The following DDX39B variants were observed in gnomAD, a reference collection of about 807,000 sequenced individuals.
DDX39B encodes spliceosome RNA helicase DDX39B.
A neutral mutation model predicts 46.4 loss-of-function variants in DDX39B; 6 were observed. The observed-to-expected ratio is 0.13, with a 90% CI of 0.07 to 0.26. The LOEUF (loss-of-function observed/expected upper bound fraction) is 0.26, where lower values mean the gene tolerates loss of function less well. Ranked by LOEUF, DDX39B falls within the 10% of genes least tolerant of loss-of-function variation. The pLI, the probability that DDX39B is intolerant of heterozygous loss-of-function variation, is 1.00. For missense variants in DDX39B, 185 were observed against 553.4 expected (o/e 0.33, Z 6.68); for synonymous variants, 174 against 199.4 (o/e 0.87, Z 1.07).
chr6:31,531,419 G>T lies in DDX39B; in HGVS notation c.868-14C>A. 1 of 1,613,742 alleles carries T rather than the reference G, an allele frequency of 6.2e-7. No individual in the cohort carries two copies. On this transcript the variant is annotated splice_polypyrimidine_tract_variant and intron_variant, in intron 7 of 10. Transcript: ENST00000396172. The surrounding 1 kb of genome is among the most constrained non-coding windows in gnomAD (Gnocchi z 5.8). Reference sequence around the variant, plus strand: ...AAAGATCACCACCTGTTGTGGGGTGGGGTGGGGGGTCGCAAATTGGGGGAA... The same window carrying T: ...AAAGATCACCACCTGTTGTGGGGTGTGGTGGGGGGTCGCAAATTGGGGGAA...
In DDX39B at chr6:31,539,377, T is replaced by C; in HGVS notation, c.212-103A>G. ...ATTTCTTACCACTCAATTCTCAAAG[T>C]CTAGTATTTACCTGGTTCTTGCCAA... On this transcript the variant is annotated intron_variant, in intron 2 of 10. Coordinates refer to ENST00000396172, the MANE Select transcript of DDX39B (RefSeq NM_004640.7). 5 of 1,514,922 alleles carry C rather than the reference T, an allele frequency of 3.3e-6. No individual in the cohort carries two copies. In the South Asian group the frequency reaches 5.0e-5, roughly 15 times the overall value. The allele number at this position is 1,514,922 out of a possible 1,614,324, so 93.8% of individuals were successfully genotyped here.
Position 31,530,325 on chromosome 6 carries a change from G to A in DDX39B, c.*109C>T. On this transcript the variant is annotated 3_prime_UTR_variant, in exon 11 of 11. Coordinates refer to ENST00000396172, the MANE Select transcript of DDX39B (RefSeq NM_004640.7). This position sits in a 1 kb window ranked among gnomAD's most constrained non-coding sequence, Gnocchi z 4.5. The stretch of plus-strand genomic sequence containing the variant: ...AGTGGTGGTGATGCAAAAGATGGAA[G>A]CCATGGGGTGGGGGCTGTCAGGGGT... The A allele has an allele frequency of 7.6e-7, 1 of 1,311,650 alleles. No homozygotes were observed. Among genetic ancestry groups the A allele is most frequent in the Non-Finnish European group, 1.1e-6 (1 of 945,822 alleles). 81.3% of individuals were successfully genotyped at this position (1,311,650 alleles called of 1,614,324 possible). A position where few individuals can be genotyped will look rare whatever the true frequency, so the allele number is the denominator to read the frequency against.
intron 7 of DDX39B, 177 bp downstream of exon 7, chr6:31,532,603 T>G (rs568374580): frequency 1.4e-6 from 1 of 726,096 alleles, no homozygotes; most frequent in Non-Finnish European, 2.2e-6. Context: ...GTGCCAGCCA[T>G]AGAATAGAAA....
intron 4 of DDX39B, among the ~76,000 whole-genome samples, 162 bp downstream of exon 4, chr6:31,538,601 C>T (rs912582626): frequency 1.3e-5 from 2 of 152,164 alleles, no homozygotes; most frequent in African/African-American, 4.8e-5. Context: ...AAGCATCATC[C>T]ATAGCCCAAT....
intron 6 of DDX39B, 127 bp from the exon 7 acceptor site, chr6:31,533,038 A>C: frequency 1.6e-6 from 1 of 609,260 alleles, no homozygotes; most frequent in South Asian, 1.7e-5. Context: ...AAGATTGAAA[A>C]CCCCACCCCA....
chr6:31,537,172 T>G (rs1384835720), intron 4 of DDX39B, among the ~76,000 whole-genome samples: 1 of 152,138 alleles, frequency 6.6e-6, no homozygotes, highest in African/African-American at 2.4e-5. Flanking sequence ...ACGCCTGTAA[T>G]CCCAGCAGTT....
chr6:31,530,813 A>G lies in DDX39B; in HGVS notation c.1236T>C (p.Ser412=), dbSNP rs1321350167. 2 of 1,613,346 alleles carry G rather than the reference A, an allele frequency of 1.2e-6. No individual in the cohort carries two copies. The highest frequency in any genetic ancestry group is 1.7e-6 in the Non-Finnish European group (2 of 1,180,028). The part of the protein sequence containing the change: ...DVQDRFEVNI[S]ELPDEIDISS... ...AGATGTCTATCTCATCAGGCAGCTC[A>G]CTAATATTGACCTCAAAGCGATCCT... The change falls in exon 10 of 11, where the codon AGT becomes AGC. Residue 412 remains serine (S), a synonymous_variant. Coordinates refer to ENST00000396172, the MANE Select transcript of DDX39B (RefSeq NM_004640.7). The surrounding 1 kb of genome is among the most constrained non-coding windows in gnomAD (Gnocchi z 4.5).
At position 31,530,947 on chromosome 6, in the gene DDX39B, G is replaced by A; in HGVS notation, c.1123-21C>T. 1 of 1,614,076 alleles carries A rather than the reference G, an allele frequency of 6.2e-7. No individual in the cohort carries two copies. The highest frequency in any genetic ancestry group is 8.5e-7 in the Non-Finnish European group (1 of 1,179,966). The stretch of plus-strand genomic sequence containing the variant: ...GCCACCTGGAGGGAGACAGAGGGTA[G>A]CACTGGAAGACCGAAGAGGAAAGAG... On this transcript the variant is annotated intron_variant, in intron 9 of 10. Coordinates refer to ENST00000396172, the MANE Select transcript of DDX39B (RefSeq NM_004640.7). The surrounding 1 kb of genome is among the most constrained non-coding windows in gnomAD (Gnocchi z 4.5).
intron 4 of DDX39B, among the ~76,000 whole-genome samples, chr6:31,537,882 A>C (rs1042201760): frequency 1.3e-5 from 2 of 152,012 alleles, no homozygotes; most frequent in African/African-American, 2.4e-5. Flanking sequence ...CTAAAAAAAA[A>C]CAAAAATTAG....
chr6:31,537,498 A>G (rs1044666968), intron 4 of DDX39B, among the ~76,000 whole-genome samples: 2 of 152,184 alleles, frequency 1.3e-5, no homozygotes, highest in African/African-American at 4.8e-5. Flanking sequence ...CAAAAAACAC[A>G]TGGAACATTA....
intron 2 of DDX39B, 109 bp from the exon 3 acceptor site, chr6:31,539,383 A>AT (rs1446058379): frequency 6.7e-7 from 1 of 1,492,004 alleles, no homozygotes; most frequent in African/African-American, 1.4e-5. Flanking sequence ...AAAGTCTAGT[A>AT]TTTACCTGGT....
chr6:31,533,249 T>C, intron 6 of DDX39B: 1 of 269,922 alleles, frequency 3.7e-6, no homozygotes, highest in East Asian at 1.1e-4. Context: ...AAATGGGAGA[T>C]GATTCTCAAA....
At position 31,531,465 on chromosome 6, in the gene DDX39B, G is replaced by C; in HGVS notation, c.868-60C>G. 6.8e-7 allele frequency: 1 copy of C among 1,472,534 alleles called. No individual in the cohort carries two copies. The highest frequency in any genetic ancestry group is 9.5e-7 in the Non-Finnish European group (1 of 1,055,530). 91.2% of individuals were successfully genotyped at this position (1,472,534 alleles called of 1,614,324 possible). A position where few individuals can be genotyped will look rare whatever the true frequency, so the allele number is the denominator to read the frequency against. On this transcript the variant is annotated intron_variant, in intron 7 of 10. Coordinates refer to ENST00000396172, the MANE Select transcript of DDX39B (RefSeq NM_004640.7). The surrounding 1 kb of genome is among the most constrained non-coding windows in gnomAD (Gnocchi z 5.8). ...GGGAATAGGGGTCCATGGTGTGTGAGAGACATTACGTGGGAGAGGGGAGTT... is the reference window on the plus strand; with the variant it reads ...GGGAATAGGGGTCCATGGTGTGTGACAGACATTACGTGGGAGAGGGGAGTT...
At chr6:31,540,130 T>C (rs1203301437) in intron 2 of DDX39B, among the ~76,000 whole-genome samples, 192 bp downstream of exon 2, 2 of 152,200 alleles carry the variant, frequency 1.3e-5, no homozygotes, top group East Asian at 1.9e-4. Context: ...TCTCTTGCAC[T>C]TTTGAGCTCA....
chr6:31,541,149 T>C, intron 1 of DDX39B: 1 of 533,634 alleles, frequency 1.9e-6, no homozygotes, highest in Non-Finnish European at 3.8e-6. Flanking sequence ...CGCAAAGCGC[T>C]CACCTTTCGA....
chr6:31,537,457 C>G (rs909243509), intron 4 of DDX39B, among the ~76,000 whole-genome samples: 3 of 151,684 alleles, frequency 2.0e-5, no homozygotes, highest in Non-Finnish European at 4.4e-5. Flanking sequence ...TAAAGGACAG[C>G]AAGAAATCAC....
chr6:31,537,610 G>A (rs1260028292), intron 4 of DDX39B, among the ~76,000 whole-genome samples: 1 of 152,118 alleles, frequency 6.6e-6, no homozygotes, highest in Admixed American at 6.5e-5. Context: ...AAACCATTAG[G>A]TGAATAGTTG....
intron 5 of DDX39B, 131 bp downstream of exon 5, chr6:31,536,369 C>A: frequency 1.5e-6 from 2 of 1,319,580 alleles, no homozygotes; most frequent in East Asian, 2.3e-5. Context: ...AACCAGGGAA[C>A]CCAGAGCCAT....
intron 2 of DDX39B, 89 bp from the exon 3 acceptor site, chr6:31,539,363 C>T (rs1339959389): frequency 4.5e-6 from 7 of 1,538,694 alleles, no homozygotes; most frequent in Middle Eastern, 1.9e-4. Context: ...TTTCTTACCA[C>T]TCAATTCTCA....
Sources: gnomAD v4.1 joint callset for allele counts (sites outside exome capture counted in the v4.1 genomes callset) on GRCh38, gnomAD v4.1.1 for gene constraint, Gnocchi (gnomAD v3.1) non-coding constraint, MANE v1.5 for transcripts, NCBI Gene and HGNC (gene_info 2026-07-23, HGNC 2026-07-21) for gene names.